The following AKAP6 variants were observed in gnomAD, a reference collection of about 807,000 sequenced individuals.
AKAP6 encodes the protein A-kinase anchor protein 6.
In AKAP6, 58 loss-of-function variants were observed where a neutral mutation model predicts 188.5. The observed-to-expected ratio is 0.31, with a 90% CI of 0.25 to 0.38. AKAP6 has a LOEUF of 0.38. Among genes scored for constraint, AKAP6 ranks in the 10% least tolerant of loss-of-function variants. AKAP6 has a pLI of 1.00. For synonymous variants in AKAP6, 989 were observed against 998.6 expected, an observed-to-expected ratio of 0.99 and a Z score of 0.18; for missense variants, 2,710 against 2,740.0, an observed-to-expected ratio of 0.99 and a Z score of 0.24.
In AKAP6 at chr14:32,789,407, C is replaced by G. The variant is rs553971238; in HGVS notation, c.3588+15514C>G. On this transcript the variant is annotated intron_variant, in intron 12 of 13. Coordinates refer to ENST00000280979, the MANE Select transcript of AKAP6 (RefSeq NM_004274.5). ...TGCTTCTTTAAGTAGATCCCTGATC[C>G]CATTCCTCCTGACTGGGTGAGACCT... Among the ~76,000 whole-genome samples, 14 of 152,352 alleles carry G rather than the reference C, an allele frequency of 9.2e-5. No homozygotes were observed. The South Asian group carries it at 2.9e-3, about 32-fold the overall frequency.
At chr14:32,614,981 C>T (rs1476791334) in intron 7 of AKAP6, among the ~76,000 whole-genome samples, 14 of 151,470 alleles carry the variant, frequency 9.2e-5, no homozygotes, top group East Asian at 5.9e-4. Context: ...CCATCCTGGC[C>T]AACATGGTGA....
intron 8 of AKAP6, among the ~76,000 whole-genome samples, chr14:32,690,431 G>A (rs1162941950): frequency 6.6e-6 from 1 of 152,000 alleles, no homozygotes; most frequent in Non-Finnish European, 1.5e-5. Context: ...CTCCCATCAG[G>A]GTTTAGAGGA....
In AKAP6 at chr14:32,538,118, A is replaced by G. The variant is rs565864183; in HGVS notation, c.576+2313A>G. On this transcript the variant is annotated intron_variant, in intron 3 of 13. Transcript: ENST00000280979. ...TATGAATTAAAGTTCTGCCTCTATA[A>G]CCATACTTCCTGAAATTAGATTTCT... Among the ~76,000 whole-genome samples the G allele has an allele frequency of 2.6e-5, 4 of 152,250 alleles. No individual in the cohort carries two copies. In the South Asian group the frequency reaches 6.2e-4, roughly 24 times the overall value.
intron 4 of AKAP6, among the ~76,000 whole-genome samples, chr14:32,570,281 C>T (rs1884419080): frequency 6.7e-6 from 1 of 149,406 alleles, no homozygotes; most frequent in South Asian, 2.2e-4. Flanking sequence ...TAGGCACATG[C>T]CACCACGCCC....
At chr14:32,649,418 G>A (rs780181711) in intron 7 of AKAP6, among the ~76,000 whole-genome samples, 3 of 152,182 alleles carry the variant, frequency 2.0e-5, no homozygotes, top group South Asian at 2.1e-4. Flanking sequence ...TATGTATGCC[G>A]ATTGGCAGGA....
At chr14:32,771,207 G>A (rs906426582) in intron 11 of AKAP6, among the ~76,000 whole-genome samples, 2 of 151,818 alleles carry the variant, frequency 1.3e-5, no homozygotes, top group African/African-American at 2.4e-5. Context: ...GTATAAAAAA[G>A]TACTGAAAAA....
chr14:32,427,067 G>A (rs1890057511), intron 1 of AKAP6, among the ~76,000 whole-genome samples: 1 of 150,494 alleles, frequency 6.6e-6, no homozygotes, highest in South Asian at 2.1e-4. Flanking sequence ...AGGAGAGAGA[G>A]AAACACCAGT....
chr14:32,573,392 C>G (rs1884578901), intron 4 of AKAP6, among the ~76,000 whole-genome samples: 1 of 152,148 alleles, frequency 6.6e-6, no homozygotes, highest in South Asian at 2.1e-4. Flanking sequence ...ATTAGAAACA[C>G]ACATAGGTAG....
chr14:32,713,644 T>C (rs1042877900), intron 9 of AKAP6, among the ~76,000 whole-genome samples: 1 of 152,050 alleles, frequency 6.6e-6, no homozygotes, highest in African/African-American at 2.4e-5. Flanking sequence ...TTAAACCTCA[T>C]GAACCAACCT....
chr14:32,384,767 AG>A (rs1277464048), intron 1 of AKAP6, among the ~76,000 whole-genome samples: 1 of 152,136 alleles, frequency 6.6e-6, no homozygotes, highest in East Asian at 1.9e-4. Flanking sequence ...TTTTGGTTTT[AG>A]GGGGCATGAT....
intron 1 of AKAP6, among the ~76,000 whole-genome samples, chr14:32,333,341 G>C (rs3784167): frequency 0.36 from 54,611 of 151,842 alleles, 10,695 homozygotes; most frequent in African/African-American, 0.52. Flanking sequence ...TGTTTTGATC[G>C]CATGGATTCA....
chr14:32,769,035 T>A lies in AKAP6; in HGVS notation c.3373-4643T>A, dbSNP rs1327603162. The stretch of plus-strand genomic sequence containing the variant: ...CAACTAGGGGATGCAGCTGCTCTTT[T>A]GATTTTTTTTTTTTTTTTTTTTTTT... On this transcript the variant is annotated intron_variant, in intron 11 of 13. Coordinates refer to ENST00000280979, the MANE Select transcript of AKAP6 (RefSeq NM_004274.5). Among the ~76,000 whole-genome samples the A allele has an allele frequency of 4.0e-5, 5 of 124,722 alleles. No individual in the cohort carries two copies. The East Asian group carries it at 6.8e-4, about 17-fold the overall frequency. 81.8% of individuals were successfully genotyped at this position (124,722 alleles called of 152,430 possible). A position where few individuals can be genotyped will look rare whatever the true frequency, so the allele number is the denominator to read the frequency against.
At position 32,681,498 on chromosome 14, in the gene AKAP6, C is replaced by A. The variant is rs149399686; in HGVS notation, c.2879+3039C>A. Among the ~76,000 whole-genome samples the A allele has an allele frequency of 3.3e-3, 496 of 152,168 alleles. 4 individuals are homozygous for A. Among genetic ancestry groups the A allele is most frequent in the African/African-American group, 0.011 (466 of 41,510 alleles). On this transcript the variant is annotated intron_variant, in intron 8 of 13. Coordinates refer to ENST00000280979, the MANE Select transcript of AKAP6 (RefSeq NM_004274.5). Reference sequence around the variant, plus strand: ...TTATCTGGACTCTTAATAAGCTTTTCCCCCAAATCTGGTGTTGTGCATATT... The same window carrying A: ...TTATCTGGACTCTTAATAAGCTTTTACCCCAAATCTGGTGTTGTGCATATT...
intron 5 of AKAP6, among the ~76,000 whole-genome samples, chr14:32,578,148 T>A (rs1884810989): frequency 6.6e-6 from 1 of 152,120 alleles, no homozygotes; most frequent in East Asian, 1.9e-4. Flanking sequence ...GAGTCCTACC[T>A]GTATGCGAGT....
chr14:32,653,174 C>A (rs183860896), intron 7 of AKAP6, among the ~76,000 whole-genome samples: 2 of 152,264 alleles, frequency 1.3e-5, no homozygotes, highest in East Asian at 3.9e-4. Flanking sequence ...TGTTTGGCCT[C>A]GAGTTAGGTA....
At chr14:32,757,844 G>C (rs753089496) in intron 11 of AKAP6, among the ~76,000 whole-genome samples, 72 of 152,290 alleles carry the variant, frequency 4.7e-4, no homozygotes, top group Non-Finnish European at 9.7e-4. Context: ...GTGTTTTCTC[G>C]TGAAGAGAAG....
At chr14:32,663,789 A>G (rs1181921682) in intron 7 of AKAP6, among the ~76,000 whole-genome samples, 2 of 152,104 alleles carry the variant, frequency 1.3e-5, no homozygotes, top group Admixed American at 1.3e-4. Flanking sequence ...AAGGAGAGGT[A>G]TGTCTGCAAC....
chr14:32,371,611 A>T (rs1888009349), intron 1 of AKAP6, among the ~76,000 whole-genome samples: 1 of 152,202 alleles, frequency 6.6e-6, no homozygotes, highest in African/African-American at 2.4e-5. Context: ...AAATAAAATA[A>T]AATGATTCTA....
intron 4 of AKAP6, among the ~76,000 whole-genome samples, chr14:32,570,123 ACTTTTTT>A (rs1884409631): frequency 9.3e-6 from 1 of 107,314 alleles, no homozygotes; most frequent in African/African-American, 3.3e-5. Context: ...CTGTGTGGGA[ACTTTTTT>A]TTTTTTTTTT....
Sources: allele counts gnomAD v4.1 joint callset (sites outside exome capture counted in the v4.1 genomes callset), GRCh38; gene constraint gnomAD v4.1.1; transcripts MANE v1.5; gene names NCBI Gene and HGNC (gene_info 2026-07-23, HGNC 2026-07-21).